The following WDCP variants were observed in gnomAD, a reference collection of about 807,000 sequenced individuals.
The protein encoded by WDCP is WD repeat and coiled-coil-containing protein.
Under a neutral mutation model 41.6 loss-of-function variants are expected in WDCP, and 19 were observed. That is an observed-to-expected ratio of 0.46 (90% confidence interval 0.32 to 0.67). The LOEUF is 0.67. WDCP is among the 30% of genes least tolerant of loss of function. The pLI is 0.04. For synonymous variants in WDCP, 302 were observed against 320.8 expected (o/e 0.94, Z 0.63); for missense variants, 802 against 850.7 (o/e 0.94, Z 0.71).
In WDCP at chr2:24,038,701, G is replaced by A. The variant is rs1663331841; in HGVS notation, c.794C>T (p.Thr265Ile). ...TACTTCAGAATTTGTTTCAGAATCA[G>A]TTGCCTCTTTATCCATAGAGCGTAC... The part of the protein sequence containing the change: ...GEVRSMDKEA[T>I]DSETNSEVSV... The change falls in exon 2 of 4, where the codon ACT becomes ATT. Residue 265 changes from threonine to isoleucine, a missense_variant. Physicochemically the swap from Thr to Ile is moderately conservative, Grantham distance 89. This residue lies in a region of WDCP where 247 missense variants were observed against 240.5 expected (regional missense o/e 1.03). Coordinates refer to ENST00000295148, the MANE Select transcript of WDCP (RefSeq NM_025203.3). The A allele has an allele frequency of 6.2e-7, 1 of 1,614,106 alleles. No homozygotes were observed. Among genetic ancestry groups the A allele is most frequent in the African/African-American group, 1.3e-5 (1 of 74,940 alleles).
chr2:24,037,120 C>T (rs537439306), intron 2 of WDCP, among the ~76,000 whole-genome samples: 8 of 152,318 alleles, frequency 5.3e-5, no homozygotes, highest in South Asian at 2.1e-4. Context: ...CTGTGCCTCC[C>T]GGGCTCAAGT....
Position 24,031,147 on chromosome 2 carries a change from A to G in WDCP, c.1952T>C (p.Leu651Pro). 3 of 1,613,204 alleles carry G rather than the reference A, an allele frequency of 1.9e-6. No homozygotes were observed. The highest frequency in any genetic ancestry group is 1.7e-6 in the Non-Finnish European group (2 of 1,179,248). ...IEMLHDSHWI[L>P]LSADSEGFIP... ...AAAGCCCTCACTGTCAGCAGAGAGA[A>G]GAATCCAGTGGGAATCTGCAAATAA... is the stretch of plus-strand genomic sequence containing the variant. Residue 651 changes from leucine to proline, a missense_variant, in exon 4 of 4, where the codon CTT becomes CCT. Leu to Pro is a moderately conservative substitution (Grantham distance 98). Coordinates refer to ENST00000295148, the MANE Select transcript of WDCP (RefSeq NM_025203.3).
intron 2 of WDCP, among the ~76,000 whole-genome samples, chr2:24,035,635 C>T (rs1271246234): frequency 6.6e-6 from 1 of 152,038 alleles, no homozygotes; most frequent in African/African-American, 2.4e-5. Context: ...AAAACTATGG[C>T]TGGGTGCAGT....
At chr2:24,042,790 T>C (rs1279447269) in intron 1 of WDCP, among the ~76,000 whole-genome samples, 1 of 151,962 alleles carries the variant, frequency 6.6e-6, no homozygotes, top group African/African-American at 2.4e-5. Context: ...CCTAGCATTT[T>C]GGGAGGCCGA....
At chr2:24,034,199 TC>T (rs1663174660) in intron 2 of WDCP, among the ~76,000 whole-genome samples, 2 of 152,240 alleles carry the variant, frequency 1.3e-5, no homozygotes, top group South Asian at 4.2e-4. Flanking sequence ...GGCGGGTGGA[TC>T]ACTTGAGGTC....
rs1573652306 is a variant in WDCP, at chr2:24,030,853, T to C, written c.*80A>G. On this transcript the variant is annotated 3_prime_UTR_variant, in exon 4 of 4. Coordinates refer to ENST00000295148, the MANE Select transcript of WDCP (RefSeq NM_025203.3). ...TCGCCTGAGTGCAGTGGGAGTCTCA[T>C]TGGCGAGTGTCCAGTGTCAAGCAGG... 21 of 1,099,326 alleles carry C rather than the reference T, an allele frequency of 1.9e-5. No individual in the cohort carries two copies. In the East Asian group the frequency reaches 2.9e-4, roughly 15 times the overall value. 68.1% of individuals were successfully genotyped at this position (1,099,326 alleles called of 1,614,324 possible). A position where few individuals can be genotyped will look rare whatever the true frequency, so the allele number is the denominator to read the frequency against.
chr2:24,039,067 T>G lies in WDCP; in HGVS notation c.428A>C (p.His143Pro). Residue 143 changes from histidine (H) to proline (P), a missense_variant, in exon 2 of 4, where the codon CAC (histidine) becomes CCC (proline). Coordinates refer to ENST00000295148, the MANE Select transcript of WDCP (RefSeq NM_025203.3). ...AQDVSIFPNV[H>P]SDDSQVKADI... ...TGCCTTTACCTGGGAATCATCAGAG[T>G]GAACATTAGGGAAAATGGAGACATC... The G allele has an allele frequency of 6.2e-7, 1 of 1,613,846 alleles. No individual in the cohort carries two copies. The highest frequency in any genetic ancestry group is 8.5e-7 in the Non-Finnish European group (1 of 1,179,982).
intron 1 of WDCP, among the ~76,000 whole-genome samples, chr2:24,047,019 C>G (rs1663647328): frequency 6.6e-6 from 1 of 152,150 alleles, no homozygotes. Context: ...AAATAAAGCT[C>G]GGACCGAGGT....
At chr2:24,046,462 A>G (rs1276289512) in intron 1 of WDCP, among the ~76,000 whole-genome samples, 1 of 152,208 alleles carries the variant, frequency 6.6e-6, no homozygotes, top group Admixed American at 6.5e-5. Context: ...TTAGGAGGGA[A>G]AAGACCACTG....
Position 24,039,142 on chromosome 2 carries a change from C to T in WDCP, c.353G>A (p.Gly118Asp). 3 of 1,614,210 alleles carry T rather than the reference C, an allele frequency of 1.9e-6. No individual in the cohort carries two copies. The highest frequency in any genetic ancestry group is 2.5e-6 in the Non-Finnish European group (3 of 1,180,030). ...AGCACATTTTGGGTGCCACACACAGCCCTGGGGAAGGATAGGTAGTGATCC... is the reference window on the plus strand; with the variant it reads ...AGCACATTTTGGGTGCCACACACAGTCCTGGGGAAGGATAGGTAGTGATCC... The part of the protein sequence containing the change: ...IRGSLPILPQ[G>D]CVWHPKCAIL... Residue 118 changes from glycine (G) to aspartate (D), a missense_variant, in exon 2 of 4, where the codon GGC (glycine) becomes GAC (aspartate). This residue lies in a region of WDCP where 214 missense variants were observed against 252.9 expected (regional missense o/e 0.85). Coordinates refer to ENST00000295148, the MANE Select transcript of WDCP (RefSeq NM_025203.3).
Position 24,030,981 on chromosome 2 carries a change from G to A in WDCP, c.2118C>T (p.Pro706=). ...SLKVFTGLAA[P]SLDTTGCCNH... ...TACAACAGCCAGTGGTATCTAAACT[G>A]GGGGCAGCAAGGCCTGTAAAGACTT... Residue 706 remains proline, a synonymous_variant, in exon 4 of 4, where the codon CCC becomes CCT. Transcript: ENST00000295148. 1.2e-6 allele frequency: 2 copies of A among 1,614,190 alleles called. No homozygotes were observed. The highest frequency in any genetic ancestry group is 1.7e-6 in the Non-Finnish European group (2 of 1,180,016).
chr2:24,033,028 G>GT, intron 2 of WDCP, 82 bp from the exon 3 acceptor site: 3 of 943,488 alleles, frequency 3.2e-6, no homozygotes, highest in East Asian at 4.8e-5. Context: ...TGTGTAAATA[G>GT]TTTTTTAAAA....
rs778757996 is a variant in WDCP, at chr2:24,032,909, G to A, written c.1856C>T (p.Ala619Val). 77 of 1,613,080 alleles carry A rather than the reference G, an allele frequency of 4.8e-5. 1 individual carries two copies. The Middle Eastern group carries it at 4.9e-4, about 10-fold the overall frequency. The change falls in exon 3 of 4, where the codon GCG becomes GTG. Residue 619 changes from alanine to valine, a missense_variant. Coordinates refer to ENST00000295148, the MANE Select transcript of WDCP (RefSeq NM_025203.3). ...YYLGPVVEKR[A>V]VLLCDGKLRL... ...TAGTTTACCATCACAGAGAAGCACCGCTCTTTTTTCAACAACAGGACCTAG... is the reference window on the plus strand; with the variant it reads ...TAGTTTACCATCACAGAGAAGCACCACTCTTTTTTCAACAACAGGACCTAG...
intron 1 of WDCP, among the ~76,000 whole-genome samples, chr2:24,041,593 G>A (rs1194211633): frequency 6.6e-6 from 1 of 151,490 alleles, no homozygotes; most frequent in Non-Finnish European, 1.5e-5. Flanking sequence ...TACACCCAAA[G>A]TGTAATCCCA....
Position 24,038,102 on chromosome 2 carries a change from CA to C in WDCP, c.1392del (p.Ile464MetfsTer17). 1 of 1,614,168 alleles carries C rather than the reference CA, an allele frequency of 6.2e-7. No individual in the cohort carries two copies. Among genetic ancestry groups the C allele is most frequent in the Non-Finnish European group, 8.5e-7 (1 of 1,180,026 alleles). ...PLNKANRKKL[I>X]ESLSPDFCHQ... is the part of the protein sequence containing the mutation. ...TGACAAAAATCTGGGGAAAGACTTT[CA>C]ATTAACTTTTTTCTATTTGCTTTAT... On this transcript the variant is annotated frameshift_variant, in exon 2 of 4. Coordinates refer to ENST00000295148, the MANE Select transcript of WDCP (RefSeq NM_025203.3). LOFTEE classifies it high-confidence loss of function.
chr2:24,044,616 A>G (rs1218091177), intron 1 of WDCP, among the ~76,000 whole-genome samples: 2 of 152,146 alleles, frequency 1.3e-5, no homozygotes, highest in Non-Finnish European at 2.9e-5. Flanking sequence ...CATCTTCGGT[A>G]ACAAGAAGAA....
chr2:24,040,564 AT>A (rs1374044462), intron 1 of WDCP, among the ~76,000 whole-genome samples: 18 of 152,360 alleles, frequency 1.2e-4, no homozygotes, highest in African/African-American at 4.1e-4. Flanking sequence ...ACTTCATCTT[AT>A]TCAACAGCAC....
At chr2:24,034,074 T>C (rs563780777) in intron 2 of WDCP, among the ~76,000 whole-genome samples, 73 of 152,384 alleles carry the variant, frequency 4.8e-4, no homozygotes, top group Non-Finnish European at 9.6e-4. Flanking sequence ...CTTTTGATTA[T>C]TGTGTAACTT....
chr2:24,032,333 C>T (rs1663120557), intron 3 of WDCP, among the ~76,000 whole-genome samples: 1 of 152,090 alleles, frequency 6.6e-6, no homozygotes, highest in Admixed American at 6.6e-5. Context: ...TGAAACCCGT[C>T]TCTACGAAAA....
Sources: gnomAD v4.1 joint callset for allele counts (sites outside exome capture counted in the v4.1 genomes callset) on GRCh38, gnomAD v4.1.1 for gene constraint, gnomAD v4.1.1 regional missense constraint, MANE v1.5 for transcripts, NCBI Gene and HGNC (gene_info 2026-07-23, HGNC 2026-07-21) for gene names.